MEGF6: variants seen among roughly 807,000 people sequenced by gnomAD.
MEGF6 encodes multiple EGF like domains 6.
In MEGF6, 184 loss-of-function variants were observed where a neutral mutation model predicts 207.1. The ratio of observed to expected loss-of-function variants is 0.89; its 90% CI spans 0.79 to 1.00. MEGF6 has a LOEUF of 1.00. MEGF6 is among the 50% of genes least tolerant of loss of function. MEGF6 has a pLI of 0.00. For synonymous variants in MEGF6, 1,038 were observed against 910.0 expected (o/e 1.14, Z -2.53); for missense variants, 2,282 against 2,202.9 (o/e 1.04, Z -0.72).
chr1:3,501,026 G>A lies in MEGF6; in HGVS notation c.2515C>T (p.His839Tyr), dbSNP rs751650377. The change falls in exon 20 of 37, where the codon CAC becomes TAC. Residue 839 changes from histidine to tyrosine, a missense_variant. Transcript: ENST00000356575. ...CAGCTGCAGTGTCCGGTGGCTGGGTGGCAGTGCCCATCATTGGCACAAGAG... is the reference window on the plus strand; with the variant it reads ...CAGCTGCAGTGTCCGGTGGCTGGGTAGCAGTGCCCATCATTGGCACAAGAG... ...RCSCANDGHC[H>Y]PATGHCSCAP... 6 of 1,612,572 alleles carry A rather than the reference G, an allele frequency of 3.7e-6. No homozygotes were observed. Among genetic ancestry groups the A allele is most frequent in the Non-Finnish European group, 5.1e-6 (6 of 1,179,962 alleles).
intron 2 of MEGF6, among the ~76,000 whole-genome samples, chr1:3,598,441 C>T (rs528467681): frequency 6.6e-6 from 1 of 152,338 alleles, no homozygotes; most frequent in South Asian, 2.1e-4. Flanking sequence ...AGAAACCGAC[C>T]ACCACGGCGA....
intron 35 of MEGF6, among the ~76,000 whole-genome samples, chr1:3,491,500 CCT>C (rs903110668): frequency 4.6e-5 from 7 of 152,274 alleles, no homozygotes; most frequent in East Asian, 1.9e-4. Flanking sequence ...TGGGGGCTCC[CCT>C]GTCTTAAGGC....
intron 10 of MEGF6, among the ~76,000 whole-genome samples, chr1:3,510,570 C>T (rs1641304463): frequency 6.7e-6 from 1 of 150,362 alleles, no homozygotes; most frequent in Non-Finnish European, 1.5e-5. Context: ...TCAACCAACA[C>T]CCACAGCCCT....
chr1:3,586,131 G>A (rs1342667598), intron 3 of MEGF6, among the ~76,000 whole-genome samples: 4 of 149,846 alleles, frequency 2.7e-5, no homozygotes, highest in Non-Finnish European at 5.9e-5. Context: ...GTGTGTGGGT[G>A]TGACACATGT....
Position 3,501,024 on chromosome 1 carries a change from G to A in MEGF6, c.2517C>T (p.His839=). The A allele has an allele frequency of 6.2e-7, 1 of 1,612,696 alleles. No individual in the cohort carries two copies. Among genetic ancestry groups the A allele is most frequent in the Non-Finnish European group, 8.5e-7 (1 of 1,179,958 alleles). The part of the protein sequence containing the change: ...RCSCANDGHC[H]PATGHCSCAP... ...CACAGCTGCAGTGTCCGGTGGCTGG[G>A]TGGCAGTGCCCATCATTGGCACAAG... The change falls in exon 20 of 37, where the codon CAC becomes CAT. Residue 839 remains histidine, a synonymous_variant. Transcript: ENST00000356575.
chr1:3,566,218 G>A (rs1643340164), intron 4 of MEGF6, among the ~76,000 whole-genome samples: 1 of 152,188 alleles, frequency 6.6e-6, no homozygotes, highest in African/African-American at 2.4e-5. Context: ...CCAGAGGGCC[G>A]GGCCCTGCTC....
At chr1:3,590,076 T>C (rs1245441438) in intron 3 of MEGF6, among the ~76,000 whole-genome samples, 1 of 152,066 alleles carries the variant, frequency 6.6e-6, no homozygotes, top group Non-Finnish European at 1.5e-5. Flanking sequence ...GGCCTCCCCC[T>C]CCCCTGGGCC....
intron 10 of MEGF6, 73 bp from the exon 11 acceptor site, chr1:3,510,065 C>T (rs1641281168): frequency 6.5e-7 from 1 of 1,527,588 alleles, no homozygotes; most frequent in Non-Finnish European, 8.7e-7. Context: ...CCCACCCAGT[C>T]CTACCCACAG....
intron 4 of MEGF6, among the ~76,000 whole-genome samples, chr1:3,525,654 G>A (rs945503105): frequency 2.0e-5 from 3 of 152,224 alleles, no homozygotes; most frequent in African/African-American, 7.2e-5. Context: ...CTGGCTGGAA[G>A]CCCAGAGGCC....
At chr1:3,526,558 T>A (rs1037409775) in intron 4 of MEGF6, among the ~76,000 whole-genome samples, 1 of 152,038 alleles carries the variant, frequency 6.6e-6, no homozygotes, top group African/African-American at 2.4e-5. Flanking sequence ...GCCACCACGC[T>A]CGGCTAATTT....
At chr1:3,498,287 C>A (rs1569944917) in intron 26 of MEGF6, 84 bp downstream of exon 26, 2 of 1,473,800 alleles carry the variant, frequency 1.4e-6, no homozygotes, top group Non-Finnish European at 1.8e-6. Context: ...CCAAACCGGG[C>A]ACAGTCCTCA....
At chr1:3,536,257 G>A (rs1461541643) in intron 4 of MEGF6, among the ~76,000 whole-genome samples, 1 of 144,132 alleles carries the variant, frequency 6.9e-6, no homozygotes, top group Non-Finnish European at 1.5e-5. Flanking sequence ...CCTCCTCTAC[G>A]ACACCCCTTC....
chr1:3,611,973 C>A (rs57902798), upstream of MEGF6, among the ~76,000 whole-genome samples: 79,201 of 151,868 alleles, frequency 0.52, 22,987 homozygotes, highest in Non-Finnish European at 0.66. Flanking sequence ...GCCTCCCTCA[C>A]TTCTCAAGTC....
intron 3 of MEGF6, among the ~76,000 whole-genome samples, chr1:3,585,839 G>A (rs1226559668): frequency 1.4e-5 from 2 of 147,726 alleles, no homozygotes; most frequent in Non-Finnish European, 3.0e-5. Context: ...CCTGTGTGTG[G>A]GTGTGAATGA....
chr1:3,498,699 C>G lies in MEGF6; in HGVS notation c.3222G>C (p.Lys1074Asn). Reference sequence around the variant, plus strand: ...CCTCCTCTGCCGCCCAGCGCTCACCCTTCTCACAGGCCAGGCCGGCCCAGC... The same window carrying G: ...CCTCCTCTGCCGCCCAGCGCTCACCGTTCTCACAGGCCAGGCCGGCCCAGC... ...PEGWAGLACEKECLPRDVRAG... is the reference protein window; with the variant it reads ...PEGWAGLACENECLPRDVRAG... The change falls in exon 25 of 37, where the codon AAG becomes AAC. Residue 1074 changes from lysine (K) to asparagine (N), a missense_variant and splice_region_variant. Physicochemically the swap from Lys to Asn is moderately conservative, Grantham distance 94 (BLOSUM62 0). Coordinates refer to ENST00000356575, the MANE Select transcript of MEGF6 (RefSeq NM_001409.4). 2 of 1,565,912 alleles carry G rather than the reference C, an allele frequency of 1.3e-6. No homozygotes were observed. The highest frequency in any genetic ancestry group is 1.7e-6 in the Non-Finnish European group (2 of 1,158,238).
At chr1:3,531,208 C>A in intron 4 of MEGF6, 1 of 1,498,980 alleles carries the variant, frequency 6.7e-7, no homozygotes, top group African/African-American at 1.5e-5. Flanking sequence ...CCCAAGGCAC[C>A]AGAGCGCGGC....
At chr1:3,622,655 C>T in the MEGF6 span, among the ~76,000 whole-genome samples, 1 of 152,124 alleles carries the variant, frequency 6.6e-6, no homozygotes, top group African/African-American at 2.4e-5. Flanking sequence ...ATGAGCAAGC[C>T]CAGGACACCA....
chr1:3,490,313 C>T lies in MEGF6; in HGVS notation c.*215G>A, dbSNP rs892403189. ...TCTGCAGAGCCAGGCCAGGAGGCGC[C>T]TCTCTTCCAGCGGCCATGCGAGGCT... On this transcript the variant is annotated 3_prime_UTR_variant, in exon 37 of 37. Transcript: ENST00000356575. 9 of 583,812 alleles carry T rather than the reference C, an allele frequency of 1.5e-5. No homozygotes were observed. Among genetic ancestry groups the T allele is most frequent in the Non-Finnish European group, 2.7e-5 (9 of 336,940 alleles). 36.2% of individuals were successfully genotyped at this position (583,812 alleles called of 1,614,324 possible). A position where few individuals can be genotyped will look rare whatever the true frequency, so the allele number is the denominator to read the frequency against.
intron 3 of MEGF6, among the ~76,000 whole-genome samples, 191 bp downstream of exon 3, chr1:3,595,147 G>T (rs1644039636): frequency 6.6e-6 from 1 of 152,222 alleles, no homozygotes; most frequent in Admixed American, 6.5e-5. Context: ...CTCTCTTTCC[G>T]CAGCTCTGCC....
Sources: allele counts gnomAD v4.1 joint callset (sites outside exome capture counted in the v4.1 genomes callset), GRCh38; gene constraint gnomAD v4.1.1; transcripts MANE v1.5; gene names NCBI Gene and HGNC (gene_info 2026-07-23, HGNC 2026-07-21).